The following MACROD2 variants were observed in gnomAD, a reference collection of about 807,000 sequenced individuals.
MACROD2 encodes the protein mono-ADP ribosylhydrolase 2.
A neutral mutation model predicts 70.4 loss-of-function variants in MACROD2; 36 were observed. The ratio of observed to expected loss-of-function variants is 0.51; its 90% CI spans 0.39 to 0.68. The LOEUF is 0.68. MACROD2 is among the 30% of genes least tolerant of loss of function. The probability of loss-of-function intolerance (pLI) is 0.00; values close to 1 mark genes in which losing one functional copy is unlikely to be tolerated. For missense variants in MACROD2, 496 were observed against 538.4 expected, an observed-to-expected ratio of 0.92 and a Z score of 0.78; for synonymous variants, 172 against 178.8, an observed-to-expected ratio of 0.96 and a Z score of 0.30.
chr20:14,233,374 T>TA, intron 3 of MACROD2, among the ~76,000 whole-genome samples: 1 of 152,076 alleles, frequency 6.6e-6, no homozygotes, highest in Middle Eastern at 3.4e-3. Flanking sequence ...TAAAATGAGG[T>TA]ATGCCTGACT....
chr20:15,062,334 A>G (rs1413234572), intron 5 of MACROD2, among the ~76,000 whole-genome samples: 2 of 152,194 alleles, frequency 1.3e-5, no homozygotes, highest in Non-Finnish European at 2.9e-5. Flanking sequence ...TTGTTTTGAA[A>G]GTATAAGTAG....
At chr20:15,836,107 G>A (rs2064111703) in intron 8 of MACROD2, among the ~76,000 whole-genome samples, 1 of 152,286 alleles carries the variant, frequency 6.6e-6, no homozygotes, top group East Asian at 1.9e-4. Context: ...ATTTCCTGTG[G>A]AAGAAGTAAG....
chr20:15,699,344 C>G (rs2050421874), intron 8 of MACROD2, among the ~76,000 whole-genome samples: 1 of 152,152 alleles, frequency 6.6e-6, no homozygotes, highest in Non-Finnish European at 1.5e-5. Flanking sequence ...AATTGTCTCT[C>G]TTCTGGGTCT....
At chr20:15,147,706 C>T (rs185309879) in intron 5 of MACROD2, among the ~76,000 whole-genome samples, 4 of 152,106 alleles carry the variant, frequency 2.6e-5, no homozygotes, top group African/African-American at 7.2e-5. Flanking sequence ...CATGTGCGTC[C>T]GTGTGAACAG....
At chr20:14,979,321 T>A (rs2074775905) in intron 5 of MACROD2, among the ~76,000 whole-genome samples, 1 of 152,124 alleles carries the variant, frequency 6.6e-6, no homozygotes, top group South Asian at 2.1e-4. Flanking sequence ...TATTTCTAAC[T>A]ATTTTTCATG....
chr20:15,800,626 C>T (rs961836677), intron 8 of MACROD2, among the ~76,000 whole-genome samples: 4 of 152,088 alleles, frequency 2.6e-5, no homozygotes, highest in Non-Finnish European at 4.4e-5. Flanking sequence ...CGCCTCTGCC[C>T]GGCCGCCCCT....
At chr20:15,149,596 G>A (rs2076254511) in intron 5 of MACROD2, among the ~76,000 whole-genome samples, 1 of 152,000 alleles carries the variant, frequency 6.6e-6, no homozygotes, top group Non-Finnish European at 1.5e-5. Flanking sequence ...CGTCAGGTGT[G>A]AGGAAGAAAA....
At chr20:14,860,163 T>A (rs964485966) in intron 5 of MACROD2, among the ~76,000 whole-genome samples, 1 of 152,176 alleles carries the variant, frequency 6.6e-6, no homozygotes, top group Non-Finnish European at 1.5e-5. Context: ...TGGAATATAT[T>A]GTCTGGTTGC....
chr20:15,312,532 T>C (rs1438515704), intron 6 of MACROD2, among the ~76,000 whole-genome samples: 1 of 152,216 alleles, frequency 6.6e-6, no homozygotes, highest in Non-Finnish European at 1.5e-5. Context: ...CGTTTGTGTA[T>C]GTTGGAAGTG....
chr20:14,614,337 G>T (rs1259527552), intron 4 of MACROD2, among the ~76,000 whole-genome samples: 1 of 152,072 alleles, frequency 6.6e-6, no homozygotes, highest in Non-Finnish European at 1.5e-5. Flanking sequence ...ATATTTCAGT[G>T]GTTCTCCACG....
At chr20:15,337,254 T>C (rs2078058350) in intron 6 of MACROD2, among the ~76,000 whole-genome samples, 1 of 151,730 alleles carries the variant, frequency 6.6e-6, no homozygotes, top group Non-Finnish European at 1.5e-5. Flanking sequence ...AGTTTGTGTT[T>C]TGTTTTGTTT....
chr20:15,776,202 A>G (rs925201866), intron 8 of MACROD2, among the ~76,000 whole-genome samples: 2 of 152,148 alleles, frequency 1.3e-5, no homozygotes, highest in Non-Finnish European at 2.9e-5. Flanking sequence ...CGGCAGTAAC[A>G]TGAACTCACC....
intron 5 of MACROD2, among the ~76,000 whole-genome samples, chr20:15,137,249 C>T (rs1289743442): frequency 6.6e-6 from 1 of 151,748 alleles, no homozygotes; most frequent in East Asian, 1.9e-4. Flanking sequence ...GCTATAAAGA[C>T]ACATGCACAC....
rs147197418 is a variant in MACROD2, at chr20:15,815,457, C to G, written c.646-47288C>G. Among the ~76,000 whole-genome samples the G allele has an allele frequency of 8.9e-3, 1,355 of 151,784 alleles. 5 individuals carry two copies. Among genetic ancestry groups the G allele is most frequent in the Non-Finnish European group, 0.013 (893 of 67,928 alleles). ...TCTAAAATAAAATGGAACTCCAGAC[C>G]TGTGTGCGACAGCTGGTGTTCATAT... On this transcript the variant is annotated intron_variant, in intron 8 of 17. Transcript: ENST00000684519.
At position 15,451,417 on chromosome 20, in the gene MACROD2, TAAAAA is replaced by T. The variant is rs35308671; in HGVS notation, c.571+20004_571+20008del. Reference sequence around the variant, plus strand: ...AGCAAATCTCCTGAAGGGTGGTAAATAAAAAAAAAAAAAAAAAAAAAAAAAAGAGT... The same window carrying T: ...AGCAAATCTCCTGAAGGGTGGTAAATAAAAAAAAAAAAAAAAAAAAAGAGT... On this transcript the variant is annotated intron_variant, in intron 7 of 17. Coordinates refer to ENST00000684519, the MANE Select transcript of MACROD2 (RefSeq NM_001351661.2). 5.2e-3 allele frequency among the ~76,000 whole-genome samples: 435 copies of T among 83,384 alleles called. 1 individual carries two copies. The highest frequency in any genetic ancestry group is 0.018 in the African/African-American group (403 of 22,410). The allele number at this position is 83,384 out of a possible 152,430, so 54.7% of individuals were successfully genotyped here. A position where few individuals can be genotyped will look rare whatever the true frequency, so the allele number is the denominator to read the frequency against.
chr20:14,883,104 A>G (rs1246215617), intron 5 of MACROD2, among the ~76,000 whole-genome samples: 3 of 152,160 alleles, frequency 2.0e-5, no homozygotes, highest in Non-Finnish European at 4.4e-5. Flanking sequence ...TTGACCTAAC[A>G]TGTTTTAAAT....
intron 10 of MACROD2, among the ~76,000 whole-genome samples, chr20:15,895,290 A>G (rs2064954016): frequency 6.6e-6 from 1 of 152,214 alleles, no homozygotes; most frequent in East Asian, 1.9e-4. Flanking sequence ...TGGTCTAACA[A>G]TCTGCTCTGA....
intron 5 of MACROD2, among the ~76,000 whole-genome samples, chr20:15,137,836 CAG>C (rs1455026423): frequency 3.9e-5 from 6 of 151,902 alleles, no homozygotes; most frequent in Non-Finnish European, 5.9e-5. Context: ...CAGAAGGAAA[CAG>C]AAGTAAAATT....
At chr20:14,380,002 T>G (rs753371185) in intron 3 of MACROD2, among the ~76,000 whole-genome samples, 3 of 152,120 alleles carry the variant, frequency 2.0e-5, no homozygotes, top group Non-Finnish European at 4.4e-5. Flanking sequence ...ATTCTATGTT[T>G]AGTTTTTAAG....
Sources: gnomAD v4.1 joint callset for allele counts (sites outside exome capture counted in the v4.1 genomes callset) on GRCh38, gnomAD v4.1.1 for gene constraint, MANE v1.5 for transcripts, NCBI Gene and HGNC (gene_info 2026-07-23, HGNC 2026-07-21) for gene names.